CLCN5: variants seen among roughly 807,000 people sequenced by gnomAD.
CLCN5 encodes Cl-/H+ antiporter 5, also known as H(+)/Cl(-) exchange transporter 5.
A neutral mutation model predicts 54.0 loss-of-function variants in CLCN5; 17 were observed. The ratio of observed to expected loss-of-function variants is 0.31; its 90% CI spans 0.22 to 0.47. The LOEUF (loss-of-function observed/expected upper bound fraction) is 0.47, where lower values mean the gene tolerates loss of function less well. Ranked by LOEUF, CLCN5 falls within the 20% of genes least tolerant of loss-of-function variation. The pLI is 1.00. For missense variants in CLCN5, 448 were observed against 646.7 expected, an observed-to-expected ratio of 0.69 and a Z score of 3.33; for synonymous variants, 222 against 233.0, an observed-to-expected ratio of 0.95 and a Z score of 0.43.
At chrX:50,033,069 C>T (rs1557186089) in intron 3 of CLCN5, among the ~76,000 whole-genome samples, 1 of 111,031 alleles carries the variant, frequency 9.0e-6, no homozygotes, top group African/African-American at 3.3e-5. Context: ...TGTTCTGTTC[C>T]ATTGATCTAT....
intron 4 of CLCN5, among the ~76,000 whole-genome samples, chrX:50,066,470 C>G (rs992041972): frequency 4.3e-4 from 48 of 111,831 alleles, no homozygotes; most frequent in Non-Finnish European, 7.0e-4. Context: ...GCAAGTAATA[C>G]TATTTCAAAG....
At chrX:50,055,530 C>T (rs1932717655) in intron 4 of CLCN5, among the ~76,000 whole-genome samples, 1 of 112,387 alleles carries the variant, frequency 8.9e-6, no homozygotes, top group South Asian at 3.7e-4. Context: ...CCTACTTTGT[C>T]CACAAGTATC....
intron 4 of CLCN5, among the ~76,000 whole-genome samples, chrX:50,058,615 G>A (rs1298962208): frequency 1.8e-5 from 2 of 110,961 alleles, no homozygotes; most frequent in African/African-American, 6.6e-5. Flanking sequence ...TAACCCTAAC[G>A]GGAAAGCTGT....
At chrX:49,973,389 G>A (rs1289922775) in intron 3 of CLCN5, among the ~76,000 whole-genome samples, 1 of 109,852 alleles carries the variant, frequency 9.1e-6, no homozygotes, top group African/African-American at 3.3e-5. Flanking sequence ...TGTACTTTAA[G>A]TTTTAGGGTA....
At chrX:49,957,025 G>A (rs868955027) in intron 3 of CLCN5, among the ~76,000 whole-genome samples, 7 of 112,026 alleles carry the variant, frequency 6.2e-5, no homozygotes, top group Admixed American at 2.8e-4. Context: ...GTGGCCGGGC[G>A]TGGTGGCTCA....
intron 3 of CLCN5, among the ~76,000 whole-genome samples, chrX:50,032,384 G>T (rs1274663860): frequency 2.7e-5 from 3 of 110,893 alleles, no homozygotes; most frequent in African/African-American, 9.9e-5. Context: ...AGCACCTGTT[G>T]TTTCCTGACT....
intron 3 of CLCN5, chrX:50,009,048 A>G: frequency 2.9e-6 from 1 of 349,718 alleles, no homozygotes; most frequent in South Asian, 2.8e-5. Flanking sequence ...CCTTGTCTAC[A>G]TGTAGAAGGA....
intron 4 of CLCN5, among the ~76,000 whole-genome samples, chrX:50,048,192 C>T (rs1602087341): frequency 8.9e-6 from 1 of 112,331 alleles, no homozygotes; most frequent in East Asian, 2.8e-4. Flanking sequence ...CTACATCCCT[C>T]GCATGCGCAG....
intron 3 of CLCN5, among the ~76,000 whole-genome samples, chrX:49,959,325 G>A (rs1927484464): frequency 8.9e-6 from 1 of 112,009 alleles, no homozygotes; most frequent in African/African-American, 3.2e-5. Context: ...TAGTTACAAA[G>A]TTTGTAGTTC....
Position 50,086,568 on chromosome X carries a change from A to G in CLCN5, c.1255A>G (p.Thr419Ala), listed in dbSNP as rs1557193967. Residue 419 changes from threonine (T) to alanine (A), a missense_variant, in exon 11 of 15, where the codon ACC becomes GCC. Around this residue, in one of 5 missense-constraint regions of CLCN5, gnomAD observed 297 missense variants for 470.4 expected, o/e 0.63. Transcript: ENST00000376091. ...TNIAWCRKRKTTQLGKYPVIE... is the reference protein window; with the variant it reads ...TNIAWCRKRKATQLGKYPVIE... ...CATTGCCTGGTGTCGGAAGCGAAAG[A>G]CCACCCAGTTGGGCAAGTATCCTGT... The G allele has an allele frequency of 8.3e-7, 1 of 1,210,829 alleles. No homozygotes were observed. Among genetic ancestry groups the G allele is most frequent in the Non-Finnish European group, 1.1e-6 (1 of 895,283 alleles).
chrX:49,969,854 G>A (rs1425993363), intron 3 of CLCN5, among the ~76,000 whole-genome samples: 11 of 111,754 alleles, frequency 9.8e-5, no homozygotes, highest in African/African-American at 3.6e-4. Flanking sequence ...GAGTGGTGTT[G>A]AAATCTGTCT....
chrX:49,970,257 C>T (rs1240154695), intron 3 of CLCN5, among the ~76,000 whole-genome samples: 3 of 111,692 alleles, frequency 2.7e-5, no homozygotes, highest in African/African-American at 9.8e-5. Flanking sequence ...TTCAAAGCAG[C>T]TTTATTTAGA....
At chrX:49,963,175 C>G (rs1315246910) in intron 3 of CLCN5, among the ~76,000 whole-genome samples, 2 of 111,728 alleles carry the variant, frequency 1.8e-5, no homozygotes, top group Non-Finnish European at 3.8e-5. Context: ...AAACAAGAGC[C>G]CTTCCTTTGA....
chrX:50,067,701 A>G (rs1933080042), intron 4 of CLCN5: 2 of 752,339 alleles, frequency 2.7e-6, no homozygotes, highest in East Asian at 3.0e-4. Flanking sequence ...GAATGACCAA[A>G]TGCGGGCTGC....
At chrX:50,088,623 C>A in intron 11 of CLCN5, 75 bp from the exon 12 acceptor site, 2 of 969,172 alleles carry the variant, frequency 2.1e-6, no homozygotes, top group South Asian at 1.9e-5. Flanking sequence ...TGCAGAGGGT[C>A]AGTCCTCCAG....
At chrX:49,927,265 A>G (rs1557168152) in intron 3 of CLCN5, among the ~76,000 whole-genome samples, 1 of 112,463 alleles carries the variant, frequency 8.9e-6, no homozygotes, top group African/African-American at 3.2e-5. Flanking sequence ...AAACATTTTA[A>G]TGTTTAACAA....
intron 3 of CLCN5, among the ~76,000 whole-genome samples, chrX:50,027,180 A>G (rs1179454413): frequency 2.9e-4 from 32 of 109,104 alleles, no homozygotes; most frequent in Non-Finnish European, 4.0e-4. Flanking sequence ...ATGCCTGGCT[A>G]ATTTTTTGTA....
chrX:49,950,814 G>A (rs1557172899), intron 3 of CLCN5, among the ~76,000 whole-genome samples: 1 of 111,517 alleles, frequency 9.0e-6, no homozygotes, highest in Non-Finnish European at 1.9e-5. Context: ...GGCATGTAAT[G>A]CATAGTAATC....
chrX:49,964,080 C>T (rs1557175166), intron 3 of CLCN5, among the ~76,000 whole-genome samples: 1 of 111,958 alleles, frequency 8.9e-6, no homozygotes, highest in Admixed American at 9.5e-5. Flanking sequence ...CAACAATGTG[C>T]CAGAAAATGT....
Sources: gnomAD v4.1 joint callset for allele counts (sites outside exome capture counted in the v4.1 genomes callset) on GRCh38, gnomAD v4.1.1 for gene constraint, gnomAD v4.1.1 regional missense constraint, MANE v1.5 for transcripts, NCBI Gene and HGNC (gene_info 2026-07-23, HGNC 2026-07-21) for gene names.